Variants in NPAS3 observed in about 807,000 individuals in gnomAD.
NPAS3 encodes the protein neuronal PAS domain protein 3.
NPAS3 carries 14 observed loss-of-function variants against 73.1 expected under a neutral mutation model. The observed-to-expected ratio is 0.19, with a 90% confidence interval of 0.13 to 0.30. The LOEUF is 0.30. NPAS3 is among the 10% of genes least tolerant of loss of function. The pLI is 1.00. For missense variants in NPAS3, 1,096 were observed against 1,250.0 expected (o/e 0.88, Z 1.86); for synonymous variants, 620 against 541.5 (o/e 1.14, Z -2.01).
intron 4 of NPAS3, among the ~76,000 whole-genome samples, chr14:33,442,506 C>G (rs117293777): frequency 6.6e-6 from 1 of 152,132 alleles, no homozygotes. Flanking sequence ...TCCCATAATC[C>G]GCATGTGTTG....
intron 4 of NPAS3, 150 bp downstream of exon 4, chr14:33,367,418 T>A: frequency 1.9e-6 from 1 of 534,192 alleles, no homozygotes; most frequent in Non-Finnish European, 3.4e-6. Context: ...TATGAGTTTA[T>A]TTTTTTCTTT....
intron 3 of NPAS3, among the ~76,000 whole-genome samples, chr14:33,275,361 A>G (rs1472420390): frequency 6.6e-6 from 1 of 152,200 alleles, no homozygotes. Context: ...ATTCTTCTAA[A>G]CTGGAGTCAT....
chr14:32,972,227 C>T (rs373575726), intron 1 of NPAS3, among the ~76,000 whole-genome samples: 6 of 151,738 alleles, frequency 4.0e-5, no homozygotes, highest in African/African-American at 9.7e-5. Context: ...CGTGAGCCAC[C>T]GCGCCTGGCC....
intron 5 of NPAS3, among the ~76,000 whole-genome samples, chr14:33,577,659 C>T (rs913825805): frequency 3.3e-5 from 5 of 152,184 alleles, no homozygotes; most frequent in African/African-American, 1.2e-4. Context: ...TATTCTCCTG[C>T]TGGGGTGACG....
intron 9 of NPAS3, among the ~76,000 whole-genome samples, chr14:33,791,118 T>C (rs2063346461): frequency 6.6e-6 from 1 of 152,188 alleles, no homozygotes. Flanking sequence ...CCTTTAGGAA[T>C]TCTGCCTGTC....
At chr14:33,467,108 A>G (rs1339668925) in intron 4 of NPAS3, among the ~76,000 whole-genome samples, 1 of 152,238 alleles carries the variant, frequency 6.6e-6, no homozygotes, top group Non-Finnish European at 1.5e-5. Flanking sequence ...CCTCAAAACC[A>G]GAACCGCGTG....
chr14:33,092,299 A>C (rs1196007764), intron 2 of NPAS3, among the ~76,000 whole-genome samples: 2 of 152,210 alleles, frequency 1.3e-5, no homozygotes, highest in Non-Finnish European at 2.9e-5. Context: ...ATGTGCAAAA[A>C]TCACGAGCAT....
intron 1 of NPAS3, among the ~76,000 whole-genome samples, chr14:32,958,862 C>T (rs1437576533): frequency 6.6e-6 from 1 of 152,164 alleles, no homozygotes; most frequent in Non-Finnish European, 1.5e-5. Context: ...AGAACAGGCT[C>T]ATAACAAAAT....
intron 5 of NPAS3, among the ~76,000 whole-genome samples, chr14:33,634,162 G>T (rs2058453126): frequency 6.6e-6 from 1 of 152,140 alleles, no homozygotes; most frequent in Admixed American, 6.5e-5. Context: ...AAATATGTTG[G>T]TTCTTACAGG....
intron 1 of NPAS3, among the ~76,000 whole-genome samples, chr14:32,976,241 G>C (rs2037672189): frequency 6.6e-6 from 1 of 152,108 alleles, no homozygotes; most frequent in African/African-American, 2.4e-5. Flanking sequence ...GGGACAGTTA[G>C]GAAGACGGCT....
chr14:33,107,346 C>T (rs1443658283), intron 2 of NPAS3, among the ~76,000 whole-genome samples: 4 of 152,280 alleles, frequency 2.6e-5, no homozygotes, highest in Middle Eastern at 3.4e-3. Context: ...ATGAATTCAT[C>T]ACCCAGGCAG....
At chr14:33,276,536 A>G (rs780881208) in intron 3 of NPAS3, among the ~76,000 whole-genome samples, 7 of 152,158 alleles carry the variant, frequency 4.6e-5, no homozygotes, top group South Asian at 2.1e-4. Context: ...TCAAAGCCAC[A>G]GAAGTGTTGA....
rs10628639 is a variant in NPAS3 at position 32,977,047 on chromosome 14, A to AACACACACACACACAC, written c.50+37687_50+37702dup. ...CTATAAAGTATTATCTGGTCAAGGT[A>AACACACACACACACAC]ACACACACACACACACACACATACA... On this transcript the variant is annotated intron_variant, in intron 1 of 11. Coordinates refer to ENST00000356141, the Ensembl canonical transcript of NPAS3. Among the ~76,000 whole-genome samples the AACACACACACACACAC allele has an allele frequency of 2.0e-3, 304 of 149,410 alleles. 2 individuals carry two copies. Among genetic ancestry groups the AACACACACACACACAC allele is most frequent in the Admixed American group, 4.5e-3 (67 of 14,968 alleles).
At chr14:33,592,322 G>A (rs572840720) in intron 5 of NPAS3, among the ~76,000 whole-genome samples, 1 of 152,278 alleles carries the variant, frequency 6.6e-6, no homozygotes, top group East Asian at 1.9e-4. Flanking sequence ...CTTGAAAGTT[G>A]CTAAAAGGAA....
chr14:33,612,267 T>G, intron 5 of NPAS3: 2 of 378,626 alleles, frequency 5.3e-6, no homozygotes, highest in South Asian at 3.9e-5. Context: ...GATGCCCCAC[T>G]GTTCAGCTGA....
At chr14:33,338,283 T>C (rs1397047315) in intron 3 of NPAS3, among the ~76,000 whole-genome samples, 3 of 152,166 alleles carry the variant, frequency 2.0e-5, no homozygotes, top group Non-Finnish European at 4.4e-5. Context: ...AGAATTGTGC[T>C]GAATCTAATT....
intron 4 of NPAS3, among the ~76,000 whole-genome samples, chr14:33,498,573 C>T (rs2052331321): frequency 6.6e-6 from 1 of 152,080 alleles, no homozygotes; most frequent in African/African-American, 2.4e-5. Flanking sequence ...CCATCACTCT[C>T]AGCAAACTAA....
At chr14:33,656,703 C>T (rs1242284776) in intron 5 of NPAS3, among the ~76,000 whole-genome samples, 1 of 152,018 alleles carries the variant, frequency 6.6e-6, no homozygotes, top group Non-Finnish European at 1.5e-5. Flanking sequence ...TCACAGTTAC[C>T]TTTCTTTGGT....
upstream of NPAS3, among the ~76,000 whole-genome samples, chr14:32,937,301 C>CA (rs2035726899): frequency 6.6e-6 from 1 of 151,862 alleles, no homozygotes; most frequent in Admixed American, 6.6e-5. Flanking sequence ...ATCATTTTAC[C>CA]AAAAAATTAT....
Sources: allele counts gnomAD v4.1 joint callset (sites outside exome capture counted in the v4.1 genomes callset), GRCh38; gene constraint gnomAD v4.1.1; transcripts MANE v1.5; gene names NCBI Gene and HGNC (gene_info 2026-07-23, HGNC 2026-07-21).